The following WDR41 variants were observed in gnomAD, a reference collection of about 807,000 sequenced individuals.
WDR41 encodes WD repeat-containing protein 41.
A neutral mutation model predicts 69.3 loss-of-function variants in WDR41; 63 were observed. The ratio of observed to expected loss-of-function variants is 0.91; its 90% CI spans 0.74 to 1.12. WDR41 has a LOEUF of 1.12. Among genes scored for constraint, WDR41 ranks in the 50% most tolerant of loss-of-function variants. WDR41 has a pLI of 0.00. For synonymous variants in WDR41, 185 were observed against 192.1 expected (o/e 0.96, Z 0.31); for missense variants, 543 against 534.5 (o/e 1.02, Z -0.16).
chr5:77,613,861 C>G (rs1485351066), intron 1 of WDR41, among the ~76,000 whole-genome samples: 2 of 152,136 alleles, frequency 1.3e-5, no homozygotes, highest in African/African-American at 4.8e-5. Flanking sequence ...AACAGGCAAC[C>G]TACAGAATGG....
At chr5:77,520,853 G>T (rs1581783990) in intron 1 of WDR41, among the ~76,000 whole-genome samples, 1 of 152,110 alleles carries the variant, frequency 6.6e-6, no homozygotes, top group Admixed American at 6.5e-5. Flanking sequence ...ATACAGGGCC[G>T]AAAACTAGGT....
chr5:77,611,448 C>A (rs529098823), intron 1 of WDR41, among the ~76,000 whole-genome samples: 3 of 152,054 alleles, frequency 2.0e-5, no homozygotes, highest in African/African-American at 7.2e-5. Flanking sequence ...GAAACTACAA[C>A]AAACTGTCTC....
Position 77,469,879 on chromosome 5 carries a change from T to C in WDR41, c.168-5070A>G, listed in dbSNP as rs377697105. 1.9e-3 allele frequency among the ~76,000 whole-genome samples: 284 copies of C among 152,094 alleles called. 2 individuals are homozygous for C. The highest frequency in any genetic ancestry group is 6.4e-3 in the African/African-American group (265 of 41,484). ...GCAGGATATTATACAGGAGAACTTC[T>C]CCAATCTAGCAAGGCAGGCCAACAT... On this transcript the variant is annotated intron_variant, in intron 2 of 12. Transcript: ENST00000296679.
At chr5:77,464,686 T>C in intron 3 of WDR41, 75 bp downstream of exon 3, 2 of 1,392,540 alleles carry the variant, frequency 1.4e-6, no homozygotes, top group Non-Finnish European at 2.0e-6. Context: ...TATCCCCAGA[T>C]AGTATTTATA....
Position 77,433,307 on chromosome 5 carries a change from T to C in WDR41, c.1228-20A>G. The C allele has an allele frequency of 6.2e-7, 1 of 1,605,650 alleles. No individual in the cohort carries two copies. The highest frequency in any genetic ancestry group is 8.5e-7 in the Non-Finnish European group (1 of 1,177,042). On this transcript the variant is annotated intron_variant, in intron 12 of 12. Coordinates refer to ENST00000296679, the MANE Select transcript of WDR41 (RefSeq NM_018268.4). ...AAACATCTGTAAAGAAAATTAAAAC[T>C]GATTATAGGGACCCCGAAAAGCAGA...
intron 1 of WDR41, among the ~76,000 whole-genome samples, chr5:77,512,136 G>A (rs1374501257): frequency 1.3e-5 from 2 of 152,120 alleles, no homozygotes; most frequent in Non-Finnish European, 2.9e-5. Flanking sequence ...TGTATGGAGA[G>A]CAAGGATTCT....
chr5:77,567,570 G>C (rs1268534850), intron 1 of WDR41, among the ~76,000 whole-genome samples: 1 of 149,142 alleles, frequency 6.7e-6, no homozygotes, highest in East Asian at 2.0e-4. Flanking sequence ...TACAAACACT[G>C]CATCAACAGA....
intron 3 of WDR41, among the ~76,000 whole-genome samples, chr5:77,463,502 G>A (rs1172049498): frequency 1.3e-5 from 2 of 151,898 alleles, no homozygotes; most frequent in African/African-American, 2.4e-5. Flanking sequence ...AAATATAATT[G>A]TGTAAATTAA....
intron 2 of WDR41, among the ~76,000 whole-genome samples, chr5:77,468,670 T>C (rs1337380348): frequency 6.6e-6 from 1 of 152,116 alleles, no homozygotes; most frequent in Non-Finnish European, 1.5e-5. Context: ...GAACCATAAA[T>C]CTTCCTGTAT....
At chr5:77,484,800 G>T (rs1238447705) in intron 2 of WDR41, among the ~76,000 whole-genome samples, 2 of 152,148 alleles carry the variant, frequency 1.3e-5, no homozygotes, top group Non-Finnish European at 2.9e-5. Context: ...TTTCAAGACA[G>T]GACTCACTGC....
At chr5:77,592,404 C>T (rs1744150638) in intron 1 of WDR41, among the ~76,000 whole-genome samples, 1 of 151,906 alleles carries the variant, frequency 6.6e-6, no homozygotes, top group African/African-American at 2.4e-5. Context: ...CCTTATTTTT[C>T]TTTCTTGCCT....
At chr5:77,541,341 A>T (rs1453470168) in intron 1 of WDR41, among the ~76,000 whole-genome samples, 1 of 152,156 alleles carries the variant, frequency 6.6e-6, no homozygotes, top group African/African-American at 2.4e-5. Context: ...CAGTCAACAA[A>T]CATGAAAAAA....
At chr5:77,527,719 G>T (rs1380486752) in intron 1 of WDR41, among the ~76,000 whole-genome samples, 3 of 151,840 alleles carry the variant, frequency 2.0e-5, no homozygotes, top group Admixed American at 1.3e-4. Context: ...GAATTTCAAA[G>T]AACTGATATG....
At chr5:77,556,083 G>A (rs1257725302) in intron 1 of WDR41, among the ~76,000 whole-genome samples, 1 of 149,218 alleles carries the variant, frequency 6.7e-6, no homozygotes, top group African/African-American at 2.5e-5. Context: ...AAGGTGGTGG[G>A]GAAAAGATGG....
At chr5:77,481,252 C>A (rs935390547) in intron 2 of WDR41, among the ~76,000 whole-genome samples, 1 of 152,042 alleles carries the variant, frequency 6.6e-6, no homozygotes. Context: ...TTGTGATCCA[C>A]CCGCCTTGGC....
intron 7 of WDR41, among the ~76,000 whole-genome samples, chr5:77,450,631 C>G (rs1294039770): frequency 2.0e-5 from 3 of 152,120 alleles, no homozygotes; most frequent in Non-Finnish European, 4.4e-5. Flanking sequence ...AATGCTCAGT[C>G]TAGAGTGGGA....
chr5:77,597,688 G>A (rs1354244686), intron 1 of WDR41, among the ~76,000 whole-genome samples: 2 of 152,132 alleles, frequency 1.3e-5, no homozygotes, highest in Non-Finnish European at 2.9e-5. Context: ...AGTTCCAAGG[G>A]TGGTACCTGA....
intron 1 of WDR41, among the ~76,000 whole-genome samples, chr5:77,568,465 T>C (rs545295104): frequency 6.6e-6 from 1 of 152,310 alleles, no homozygotes; most frequent in South Asian, 2.1e-4. Context: ...AGAGCTCTGC[T>C]AGCTGGGAAT....
chr5:77,477,819 A>G (rs965097335), intron 2 of WDR41, among the ~76,000 whole-genome samples: 1 of 136,296 alleles, frequency 7.3e-6, no homozygotes, highest in Non-Finnish European at 1.5e-5. Flanking sequence ...AGAAATAACT[A>G]AAATCAGAGC....
Sources: gnomAD v4.1 joint callset for allele counts (sites outside exome capture counted in the v4.1 genomes callset) on GRCh38, gnomAD v4.1.1 for gene constraint, MANE v1.5 for transcripts, NCBI Gene and HGNC (gene_info 2026-07-23, HGNC 2026-07-21) for gene names.